MGAT5: variants seen among roughly 807,000 people sequenced by gnomAD.
MGAT5 encodes the protein alpha-1,6-mannosylglycoprotein 6-beta-N-acetylglucosaminyltransferase.
In MGAT5, 30 loss-of-function variants were observed where a neutral mutation model predicts 94.3. The ratio of observed to expected loss-of-function variants is 0.32; its 90% confidence interval spans 0.24 to 0.43. MGAT5 has a LOEUF of 0.43. Ranked by LOEUF, MGAT5 falls within the 20% of genes least tolerant of loss-of-function variation. The probability of loss-of-function intolerance (pLI) is 1.00; values close to 1 mark genes in which losing one functional copy is unlikely to be tolerated. For missense variants in MGAT5, 691 were observed against 905.5 expected, an observed-to-expected ratio of 0.76 and a Z score of 3.04; for synonymous variants, 310 against 322.9, an observed-to-expected ratio of 0.96 and a Z score of 0.43.
At position 134,349,691 on chromosome 2, in the gene MGAT5, C is replaced by T; in HGVS notation, c.1113-114C>T. On this transcript the variant is annotated intron_variant, in intron 8 of 15. Coordinates refer to ENST00000281923, the MANE Select transcript of MGAT5 (RefSeq NM_002410.5). ...TCACAATTCTTGTCTGGTCCTGCTT[C>T]TATTTAAAAGGATTTACCTATTTTT... is the stretch of plus-strand genomic sequence containing the variant. 6.0e-6 allele frequency: 7 copies of T among 1,175,304 alleles called. No individual in the cohort carries two copies. The Middle Eastern group carries it at 1.4e-3, about 240-fold the overall frequency. The allele number at this position is 1,175,304 out of a possible 1,614,324, so 72.8% of individuals were successfully genotyped here.
At chr2:134,189,170 A>C (rs921744624) in intron 1 of MGAT5, among the ~76,000 whole-genome samples, 3 of 152,122 alleles carry the variant, frequency 2.0e-5, no homozygotes, top group African/African-American at 7.2e-5. Context: ...CCACATGGCC[A>C]ATGATTCAAT....
At chr2:134,306,855 A>T (rs1055548682) in intron 2 of MGAT5, among the ~76,000 whole-genome samples, 10 of 152,192 alleles carry the variant, frequency 6.6e-5, no homozygotes, top group Non-Finnish European at 1.5e-4. Flanking sequence ...TCCAGGGCAT[A>T]GTCATGACAT....
chr2:134,330,519 C>T (rs189625823), intron 4 of MGAT5, among the ~76,000 whole-genome samples: 9 of 146,648 alleles, frequency 6.1e-5, no homozygotes, highest in Admixed American at 2.1e-4. Context: ...TGCTAGTACC[C>T]GTGTTATAAG....
At chr2:134,231,821 G>T (rs753135901) in intron 1 of MGAT5, among the ~76,000 whole-genome samples, 3 of 152,206 alleles carry the variant, frequency 2.0e-5, no homozygotes, top group Non-Finnish European at 4.4e-5. Flanking sequence ...TGACATGGCT[G>T]AGTAGTGGCT....
At chr2:134,255,652 A>C (rs898199059) in intron 1 of MGAT5, among the ~76,000 whole-genome samples, 6 of 152,130 alleles carry the variant, frequency 3.9e-5, no homozygotes, top group Non-Finnish European at 8.8e-5. Context: ...GAGTGACAAG[A>C]GTCTGATCAT....
chr2:134,173,317 T>C (rs1235800020), intron 1 of MGAT5, among the ~76,000 whole-genome samples: 1 of 152,142 alleles, frequency 6.6e-6, no homozygotes, highest in Non-Finnish European at 1.5e-5. Context: ...TGCTGCCAGG[T>C]AGGGAAGTCT....
intron 10 of MGAT5, among the ~76,000 whole-genome samples, chr2:134,393,112 A>C (rs543090957): frequency 1.3e-5 from 2 of 152,378 alleles, no homozygotes; most frequent in South Asian, 4.1e-4. Flanking sequence ...ATAATAGGGC[A>C]GGTTTAATAT....
At chr2:134,413,659 G>T (rs972844953) in intron 12 of MGAT5, among the ~76,000 whole-genome samples, 1 of 152,132 alleles carries the variant, frequency 6.6e-6, no homozygotes, top group Non-Finnish European at 1.5e-5. Context: ...GATCAAGCTG[G>T]GTGTTTCTTC....
intron 1 of MGAT5, among the ~76,000 whole-genome samples, chr2:134,175,137 G>C (rs1215133730): frequency 6.6e-6 from 1 of 152,248 alleles, no homozygotes; most frequent in Non-Finnish European, 1.5e-5. Context: ...CACCTGCAGT[G>C]TCCAGTTCTG....
intron 6 of MGAT5, 75 bp downstream of exon 6, chr2:134,338,495 T>G (rs1040468418): frequency 2.0e-5 from 29 of 1,429,810 alleles, no homozygotes; most frequent in Admixed American, 4.5e-5. Context: ...GAAACAAGAC[T>G]AAGAGAAATG....
chr2:134,301,345 G>A (rs72978136), intron 2 of MGAT5, among the ~76,000 whole-genome samples: 2,648 of 152,216 alleles, frequency 0.017, 87 homozygotes, highest in African/African-American at 0.06. Context: ...ACATGAGCCT[G>A]TCTTTTTTTC....
intron 1 of MGAT5, among the ~76,000 whole-genome samples, chr2:134,149,308 G>A (rs1317209670): frequency 1.3e-5 from 2 of 152,138 alleles, no homozygotes; most frequent in Admixed American, 6.5e-5. Context: ...GTGACAGGCA[G>A]CTATTACCAT....
chr2:134,235,709 C>T (rs1203833782), intron 1 of MGAT5, among the ~76,000 whole-genome samples: 3 of 147,364 alleles, frequency 2.0e-5, no homozygotes, highest in Admixed American at 6.7e-5. Flanking sequence ...GGATTTAAAT[C>T]ATTGTAATAA....
chr2:134,428,327 G>A (rs764316725), intron 13 of MGAT5, 38 bp from the exon 14 acceptor site: 4 of 1,595,932 alleles, frequency 2.5e-6, no homozygotes, highest in South Asian at 1.1e-5. Flanking sequence ...CATGTTCTCT[G>A]TCCTTCTCCT....
intron 2 of MGAT5, among the ~76,000 whole-genome samples, chr2:134,276,385 C>CA (rs1684376259): frequency 6.6e-6 from 1 of 152,130 alleles, no homozygotes; most frequent in Admixed American, 6.5e-5. Flanking sequence ...TTCCGGATAA[C>CA]AATGGTACAA....
At chr2:134,217,302 A>G (rs542098363) in intron 1 of MGAT5, among the ~76,000 whole-genome samples, 14 of 148,436 alleles carry the variant, frequency 9.4e-5, no homozygotes, top group Non-Finnish European at 2.1e-4. Flanking sequence ...TGTAGCTGAA[A>G]GGAAGGAAAT....
chr2:134,420,005 A>G (rs999264961), intron 12 of MGAT5, among the ~76,000 whole-genome samples: 3 of 152,190 alleles, frequency 2.0e-5, no homozygotes, highest in African/African-American at 7.2e-5. Flanking sequence ...TAGGTTGGCA[A>G]GTTGTAAGAG....
rs7593835 is a variant in MGAT5 at position 134,318,763 on chromosome 2, G to C, written c.573+24G>C. 4,646 of 1,526,178 alleles carry C rather than the reference G, an allele frequency of 3.0e-3. 117 individuals carry two copies. In the African/African-American group the frequency reaches 0.056, roughly 19 times the overall value. 94.5% of individuals were successfully genotyped at this position (1,526,178 alleles called of 1,614,324 possible). A position where few individuals can be genotyped will look rare whatever the true frequency, so the allele number is the denominator to read the frequency against. ...AGGTGAGTAGCTTTCTGTGGCTCCT[G>C]GGGGTAGATGTGACTGGTTGGACTG... is the stretch of plus-strand genomic sequence containing the variant. On this transcript the variant is annotated intron_variant, in intron 4 of 15. Transcript: ENST00000281923.
chr2:134,311,716 T>C (rs1176613747), intron 2 of MGAT5, among the ~76,000 whole-genome samples: 2 of 152,172 alleles, frequency 1.3e-5, no homozygotes, highest in African/African-American at 4.8e-5. Flanking sequence ...TATTTCCAGA[T>C]CTCCTTTGTT....
Sources: allele counts gnomAD v4.1 joint callset (sites outside exome capture counted in the v4.1 genomes callset), GRCh38; gene constraint gnomAD v4.1.1; transcripts MANE v1.5; gene names NCBI Gene and HGNC (gene_info 2026-07-23, HGNC 2026-07-21).